Variants in CYP7B1 observed in about 807,000 individuals in gnomAD.
The protein encoded by CYP7B1 is cytochrome P450 family 7 subfamily B member 1.
CYP7B1 carries 29 observed loss-of-function variants against 42.7 expected under a neutral mutation model. The observed-to-expected ratio is 0.68, with a 90% CI of 0.51 to 0.93. The LOEUF is 0.93. Ranked by LOEUF, CYP7B1 falls within the 40% of genes least tolerant of loss-of-function variation. The pLI, the probability that CYP7B1 is intolerant of heterozygous loss-of-function variation, is 0.00. For missense variants in CYP7B1, 655 were observed against 600.5 expected, an observed-to-expected ratio of 1.09 and a Z score of -0.95; for synonymous variants, 235 against 218.2, an observed-to-expected ratio of 1.08 and a Z score of -0.68.
At chr8:64,647,616 A>AG (rs1805973697) in intron 1 of CYP7B1, among the ~76,000 whole-genome samples, 1 of 152,210 alleles carries the variant, frequency 6.6e-6, no homozygotes, top group Non-Finnish European at 1.5e-5. Flanking sequence ...CCTGAGAACC[A>AG]GGGGGAGCTG....
At chr8:64,630,212 C>T (rs1460241263) in intron 1 of CYP7B1, among the ~76,000 whole-genome samples, 1 of 152,180 alleles carries the variant, frequency 6.6e-6, no homozygotes, top group Non-Finnish European at 1.5e-5. Flanking sequence ...AGGTTTTAAA[C>T]TAGAAGTGGC....
intron 1 of CYP7B1, among the ~76,000 whole-genome samples, chr8:64,694,372 C>G (rs1423233048): frequency 6.6e-6 from 1 of 152,186 alleles, no homozygotes; most frequent in Admixed American, 6.5e-5. Flanking sequence ...TACCTCCACT[C>G]TATGTTCAGT....
At chr8:64,697,001 C>T (rs1443623264) in intron 1 of CYP7B1, among the ~76,000 whole-genome samples, 2 of 152,086 alleles carry the variant, frequency 1.3e-5, no homozygotes, top group Admixed American at 1.3e-4. Context: ...GCAAATGCTA[C>T]AAACACAAGT....
intron 1 of CYP7B1, among the ~76,000 whole-genome samples, chr8:64,671,323 T>C (rs1292634943): frequency 6.6e-6 from 1 of 152,116 alleles, no homozygotes; most frequent in Non-Finnish European, 1.5e-5. Context: ...CTGCGTCAAC[T>C]AAACTTTTTA....
intron 4 of CYP7B1, among the ~76,000 whole-genome samples, chr8:64,612,611 CAA>C (rs1180883744): frequency 6.6e-6 from 1 of 152,122 alleles, no homozygotes; most frequent in Non-Finnish European, 1.5e-5. Flanking sequence ...GCTTTATAAT[CAA>C]AGTGTGCTGA....
At chr8:64,675,700 C>T (rs150360489) in intron 1 of CYP7B1, among the ~76,000 whole-genome samples, 100 of 152,138 alleles carry the variant, frequency 6.6e-4, no homozygotes, top group Middle Eastern at 6.8e-3. Context: ...CTGAAACAAA[C>T]GTGGTTGAAA....
At chr8:64,772,509 C>T (rs555861166) in intron 1 of CYP7B1, among the ~76,000 whole-genome samples, 1 of 152,320 alleles carries the variant, frequency 6.6e-6, no homozygotes, top group South Asian at 2.1e-4. Context: ...TTCTCTGAGT[C>T]TCCAGTGCTC....
intron 1 of CYP7B1, chr8:64,727,967 TC>T (rs1461867232): frequency 1.3e-5 from 2 of 152,240 alleles, no homozygotes; most frequent in Non-Finnish European, 2.9e-5. Context: ...CATTATCTCT[TC>T]ATCCTCTCAT....
At position 64,593,391 on chromosome 8, in the gene CYP7B1, G is replaced by T. The variant is rs776756878; in HGVS notation, c.*3251C>A. Among the ~76,000 whole-genome samples the T allele has an allele frequency of 6.6e-6, 1 of 151,980 alleles. No individual in the cohort carries two copies. The highest frequency in any genetic ancestry group is 1.5e-5 in the Non-Finnish European group (1 of 68,016). ...ACAGAGCAAAACTGTCAGTATATTTGCCTATCTCAGTCTTAGCTCCGGGTA... is the reference window on the plus strand; with the variant it reads ...ACAGAGCAAAACTGTCAGTATATTTTCCTATCTCAGTCTTAGCTCCGGGTA... On this transcript the variant is annotated 3_prime_UTR_variant, in exon 6 of 6. Coordinates refer to ENST00000310193, the MANE Select transcript of CYP7B1 (RefSeq NM_004820.5).
intron 1 of CYP7B1, chr8:64,734,502 A>G (rs1807457910): frequency 6.6e-6 from 1 of 152,242 alleles, no homozygotes; most frequent in African/African-American, 2.4e-5. Flanking sequence ...AAGCCCTTTC[A>G]TAAGGCATTA....
intron 1 of CYP7B1, among the ~76,000 whole-genome samples, chr8:64,663,638 G>A (rs1806232547): frequency 6.6e-6 from 1 of 152,202 alleles, no homozygotes; most frequent in Non-Finnish European, 1.5e-5. Context: ...TTCCAACAGA[G>A]TGATACTTCA....
intron 1 of CYP7B1, among the ~76,000 whole-genome samples, chr8:64,761,018 C>CA (rs1459916857): frequency 2.6e-5 from 4 of 152,054 alleles, no homozygotes; most frequent in Admixed American, 2.6e-4. Context: ...TAAAAAGACG[C>CA]AAATGTTGTC....
intron 1 of CYP7B1, among the ~76,000 whole-genome samples, chr8:64,644,837 G>C (rs960112996): frequency 6.6e-6 from 1 of 151,548 alleles, no homozygotes; most frequent in African/African-American, 2.4e-5. Flanking sequence ...GTATACATGT[G>C]CCATGCTGGT....
chr8:64,723,331 T>C (rs1406229125), intron 1 of CYP7B1, among the ~76,000 whole-genome samples: 1 of 152,244 alleles, frequency 6.6e-6, no homozygotes, highest in Non-Finnish European at 1.5e-5. Context: ...CATTCTATAA[T>C]GACACAACAT....
intron 1 of CYP7B1, among the ~76,000 whole-genome samples, chr8:64,784,472 T>A (rs1392524068): frequency 2.0e-5 from 3 of 152,158 alleles, no homozygotes; most frequent in African/African-American, 7.2e-5. Context: ...AGGTAACAAC[T>A]CAACAGTAGA....
At chr8:64,740,164 C>G (rs781540409) in intron 1 of CYP7B1, among the ~76,000 whole-genome samples, 2 of 151,920 alleles carry the variant, frequency 1.3e-5, no homozygotes, top group Non-Finnish European at 2.9e-5. Context: ...CAAGACAGAC[C>G]ACATCCTGGG....
downstream of CYP7B1, among the ~76,000 whole-genome samples, chr8:64,590,230 C>T (rs946051889): frequency 2.6e-5 from 4 of 152,186 alleles, no homozygotes; most frequent in Non-Finnish European, 5.9e-5. Context: ...CAACTTCTCA[C>T]GGAGTCTCAG....
At chr8:64,637,922 T>G (rs1805797421) in intron 1 of CYP7B1, among the ~76,000 whole-genome samples, 1 of 152,200 alleles carries the variant, frequency 6.6e-6, no homozygotes, top group African/African-American at 2.4e-5. Context: ...CTATTTTCCA[T>G]CACTTTATCT....
intron 1 of CYP7B1, among the ~76,000 whole-genome samples, chr8:64,644,931 C>A (rs1207666665): frequency 2.1e-5 from 3 of 145,990 alleles, no homozygotes; most frequent in Non-Finnish European, 4.5e-5. Flanking sequence ...CCACAACAGT[C>A]CCCAGAGTGT....
Sources: gnomAD v4.1 joint callset for allele counts (sites outside exome capture counted in the v4.1 genomes callset) on GRCh38, gnomAD v4.1.1 for gene constraint, MANE v1.5 for transcripts, NCBI Gene and HGNC (gene_info 2026-07-23, HGNC 2026-07-21) for gene names.